DNM2: variants seen among roughly 807,000 people sequenced by gnomAD.
The protein encoded by DNM2 is dynamin-2.
DNM2 carries 15 observed loss-of-function variants against 99.0 expected under a neutral mutation model. That is an observed-to-expected ratio of 0.15 (90% CI 0.10 to 0.23). The LOEUF (loss-of-function observed/expected upper bound fraction) is 0.23. DNM2 is among the 10% of genes least tolerant of loss of function. The pLI, the probability that DNM2 is intolerant of heterozygous loss-of-function variation, is 1.00. For missense variants in DNM2, 742 were observed against 1,189.4 expected, an observed-to-expected ratio of 0.62 and a Z score of 5.53; for synonymous variants, 525 against 481.2, an observed-to-expected ratio of 1.09 and a Z score of -1.19.
chr19:10,750,055 G>A lies in DNM2; in HGVS notation c.162-9683G>A, dbSNP rs117741209. Among the ~76,000 whole-genome samples the A allele has an allele frequency of 1.2e-3, 179 of 152,332 alleles. 1 individual carries two copies. In the East Asian group the frequency reaches 0.031, roughly 27 times the overall value. The stretch of plus-strand genomic sequence containing the variant: ...AGGACGGGCTAGGACCAGTCACTTG[G>A]TTTCTGCAAGAGAGAAGCTTGGAGG... On this transcript the variant is annotated intron_variant, in intron 1 of 20. Coordinates refer to ENST00000389253, the MANE Select transcript of DNM2 (RefSeq NM_001005361.3).
In DNM2 at chr19:10,819,902, A is replaced by G. The variant is rs879259349; in HGVS notation, c.1672-78A>G. On this transcript the variant is annotated intron_variant, in intron 15 of 20. Transcript: ENST00000389253. ...AAGCCCCCGGGGCTGGTGGTGGCGC[A>G]TGCTACACGCTCTGGCCTGGGGCAT... is the stretch of plus-strand genomic sequence containing the variant. The G allele has an allele frequency of 4.6e-5, 63 of 1,356,088 alleles. No homozygotes were observed. The Admixed American group carries it at 1.0e-3, about 22-fold the overall frequency. 84.0% of individuals were successfully genotyped at this position (1,356,088 alleles called of 1,614,324 possible).
intron 14 of DNM2, 126 bp downstream of exon 14, chr19:10,808,706 C>T: frequency 8.1e-7 from 1 of 1,227,630 alleles, no homozygotes; most frequent in Non-Finnish European, 1.2e-6. Context: ...ATCGAGCTAA[C>T]CTGGAAACCC....
At chr19:10,730,478 C>CAA (rs560450347) in intron 1 of DNM2, among the ~76,000 whole-genome samples, 51 of 142,714 alleles carry the variant, frequency 3.6e-4, no homozygotes, top group African/African-American at 1.2e-3. Flanking sequence ...GACCCTGTCT[C>CAA]AAAAAAAAAA....
At chr19:10,737,279 C>T (rs1029710560) in intron 1 of DNM2, among the ~76,000 whole-genome samples, 1 of 152,052 alleles carries the variant, frequency 6.6e-6, no homozygotes, top group Non-Finnish European at 1.5e-5. Flanking sequence ...ATGCTGCTTC[C>T]ACTGCCTGCA....
chr19:10,756,799 C>T (rs974783968), intron 1 of DNM2, among the ~76,000 whole-genome samples: 9 of 152,038 alleles, frequency 5.9e-5, no homozygotes, highest in Non-Finnish European at 1.0e-4. Context: ...TGACCATCCA[C>T]CTCCCAAACT....
At position 10,767,218 on chromosome 19, in the gene DNM2, TAAAAA is replaced by T. The variant is rs5827112; in HGVS notation, c.236-5249_236-5245del. 4.9e-5 allele frequency among the ~76,000 whole-genome samples: 7 copies of T among 142,826 alleles called. No individual in the cohort carries two copies. In the Admixed American group the frequency reaches 4.9e-4, roughly 10 times the overall value. The allele number at this position is 142,826 out of a possible 152,430, so 93.7% of individuals were successfully genotyped here. Reference sequence around the variant, plus strand: ...CTGATTCTTTGGGCCAGTGGATTGTTAAAAAAAAAAAAAAAATCATCTCATCTCCA... The same window carrying T: ...CTGATTCTTTGGGCCAGTGGATTGTTAAAAAAAAAAATCATCTCATCTCCA... On this transcript the variant is annotated intron_variant, in intron 2 of 20. Coordinates refer to ENST00000389253, the MANE Select transcript of DNM2 (RefSeq NM_001005361.3).
intron 10 of DNM2, 79 bp downstream of exon 10, chr19:10,797,597 A>G: frequency 6.2e-7 from 1 of 1,608,654 alleles, no homozygotes; most frequent in Non-Finnish European, 8.5e-7. Context: ...AGCATCTGGA[A>G]AATTCAGCCT....
intron 1 of DNM2, among the ~76,000 whole-genome samples, chr19:10,759,422 T>C (rs887521225): frequency 2.6e-5 from 4 of 152,186 alleles, no homozygotes; most frequent in South Asian, 4.1e-4. Flanking sequence ...ATAGGAAATG[T>C]GTTGATCTCC....
intron 1 of DNM2, among the ~76,000 whole-genome samples, chr19:10,729,998 GACA>G (rs1438878138): frequency 1.3e-5 from 2 of 152,144 alleles, no homozygotes; most frequent in East Asian, 1.9e-4. Flanking sequence ...GAGTACCTGG[GACA>G]ACAACCACAT....
At chr19:10,725,435 G>A (rs1332249055) in intron 1 of DNM2, among the ~76,000 whole-genome samples, 1 of 144,344 alleles carries the variant, frequency 6.9e-6, no homozygotes, top group Non-Finnish European at 1.5e-5. Flanking sequence ...GACAGAGTGA[G>A]ACTCCATCTC....
chr19:10,752,675 C>A (rs537332425), intron 1 of DNM2, among the ~76,000 whole-genome samples: 1 of 152,366 alleles, frequency 6.6e-6, no homozygotes, highest in East Asian at 1.9e-4. Context: ...TGCTGTGTGA[C>A]CCTGGGCAGG....
chr19:10,810,145 A>C (rs1226377986), intron 14 of DNM2: 1 of 153,070 alleles, frequency 6.5e-6, no homozygotes, highest in Non-Finnish European at 1.5e-5. Flanking sequence ...AAGAGACTGG[A>C]GCAGCCTGCC....
intron 16 of DNM2, among the ~76,000 whole-genome samples, chr19:10,822,690 G>C (rs2073013727): frequency 6.6e-6 from 1 of 151,896 alleles, no homozygotes; most frequent in Non-Finnish European, 1.5e-5. Context: ...GTATTGACGG[G>C]GTTTCACCAT....
intron 1 of DNM2, among the ~76,000 whole-genome samples, chr19:10,745,410 G>A (rs762761550): frequency 6.6e-6 from 1 of 152,208 alleles, no homozygotes; most frequent in Non-Finnish European, 1.5e-5. Flanking sequence ...TGCCCTCAAG[G>A]TGTTGATATT....
In DNM2 at chr19:10,765,041, T is replaced by C. The variant is rs1288316043; in HGVS notation, c.235+5230T>C. On this transcript the variant is annotated intron_variant, in intron 2 of 20. Transcript: ENST00000389253. This position sits in a 1 kb window ranked among gnomAD's most constrained non-coding sequence, Gnocchi z 4.4. Reference sequence around the variant, plus strand: ...GGCGCCATCTCAGCTCACTGCAAGCTCCGCCTCCCGGGTTCACACCATGCT... The same window carrying C: ...GGCGCCATCTCAGCTCACTGCAAGCCCCGCCTCCCGGGTTCACACCATGCT... Among the ~76,000 whole-genome samples, 1 of 150,374 alleles carries C rather than the reference T, an allele frequency of 6.7e-6. No homozygotes were observed. Among genetic ancestry groups the C allele is most frequent in the Non-Finnish European group, 1.5e-5 (1 of 67,762 alleles).
chr19:10,724,563 G>A (rs1568262608), intron 1 of DNM2, among the ~76,000 whole-genome samples: 2 of 152,340 alleles, frequency 1.3e-5, no homozygotes, highest in South Asian at 2.1e-4. Context: ...GAGACGGGAA[G>A]AGAATCCAGT....
At chr19:10,763,140 A>G (rs1292353368) in intron 2 of DNM2, 1 of 152,822 alleles carries the variant, frequency 6.5e-6, no homozygotes, top group East Asian at 1.9e-4. Context: ...CAGTGGCACG[A>G]TCTCGGCTCA....
chr19:10,747,847 G>A (rs912795627), intron 1 of DNM2, among the ~76,000 whole-genome samples: 3 of 152,168 alleles, frequency 2.0e-5, no homozygotes, highest in Admixed American at 2.0e-4. Flanking sequence ...TGTGAAAGAA[G>A]GGGAGCAGCT....
In DNM2 at chr19:10,811,291, G is replaced by A; in HGVS notation, c.1558-973G>A. On this transcript the variant is annotated intron_variant, in intron 14 of 20. Coordinates refer to ENST00000389253, the MANE Select transcript of DNM2 (RefSeq NM_001005361.3). This position sits in a 1 kb window ranked among gnomAD's most constrained non-coding sequence, Gnocchi z 5.4. ...TGGTGGCCCTGGTTCAGAATGTCAGGCCCGGGGTGGGTCGGGGTAGTCCGG... is the reference window on the plus strand; with the variant it reads ...TGGTGGCCCTGGTTCAGAATGTCAGACCCGGGGTGGGTCGGGGTAGTCCGG... 5.3e-6 allele frequency: 1 copy of A among 190,058 alleles called. No homozygotes were observed. Among genetic ancestry groups the A allele is most frequent in the Admixed American group, 5.5e-5 (1 of 18,060 alleles). 11.8% of individuals were successfully genotyped at this position (190,058 alleles called of 1,614,324 possible).
Sources: allele counts gnomAD v4.1 joint callset (sites outside exome capture counted in the v4.1 genomes callset), GRCh38; gene constraint gnomAD v4.1.1; non-coding constraint Gnocchi (gnomAD v3.1); transcripts MANE v1.5; gene names NCBI Gene and HGNC (gene_info 2026-07-23, HGNC 2026-07-21).